The following CCDC178 variants were observed in gnomAD, a reference collection of about 807,000 sequenced individuals.
CCDC178 encodes the protein coiled-coil domain containing 178.
CCDC178 carries 126 observed loss-of-function variants against 117.4 expected under a neutral mutation model. The ratio of observed to expected loss-of-function variants is 1.07; its 90% CI spans 0.93 to 1.24. CCDC178 has a LOEUF of 1.24. CCDC178 is among the 50% of genes most tolerant of loss of function. The probability of loss-of-function intolerance (pLI) is 0.00; values close to 1 mark genes in which losing one functional copy is unlikely to be tolerated. For missense variants in CCDC178, 1,030 were observed against 986.9 expected (o/e 1.04, Z -0.59); for synonymous variants, 283 against 313.4 (o/e 0.90, Z 1.02).
intron 20 of CCDC178, among the ~76,000 whole-genome samples, chr18:33,200,560 G>C (rs2058979961): frequency 6.6e-6 from 1 of 152,080 alleles, no homozygotes; most frequent in African/African-American, 2.4e-5. Flanking sequence ...ATCTACAAAC[G>C]CTATAAACCA....
intron 20 of CCDC178, among the ~76,000 whole-genome samples, chr18:33,166,828 T>C (rs1033907984): frequency 2.0e-5 from 3 of 152,186 alleles, no homozygotes; most frequent in Non-Finnish European, 4.4e-5. Flanking sequence ...GTTTGTTATA[T>C]AGGTAAATTA....
chr18:33,368,651 CAG>C (rs764972288), intron 6 of CCDC178, among the ~76,000 whole-genome samples: 30 of 152,008 alleles, frequency 2.0e-4, no homozygotes, highest in Non-Finnish European at 4.3e-4. Flanking sequence ...TGAAAACAGA[CAG>C]AGGGTGTGTG....
At chr18:33,409,862 A>C (rs1298087631) in intron 3 of CCDC178, among the ~76,000 whole-genome samples, 2 of 152,172 alleles carry the variant, frequency 1.3e-5, no homozygotes, top group African/African-American at 4.8e-5. Flanking sequence ...AAAAGTCCTA[A>C]ACTTGCTCAC....
intron 21 of CCDC178, among the ~76,000 whole-genome samples, chr18:33,003,998 T>C (rs2055697617): frequency 1.3e-5 from 2 of 151,900 alleles, no homozygotes; most frequent in South Asian, 4.1e-4. Context: ...ATGAAAACTA[T>C]AAAACATTGA....
At chr18:33,023,590 T>C (rs1459620876) in intron 21 of CCDC178, among the ~76,000 whole-genome samples, 1 of 152,082 alleles carries the variant, frequency 6.6e-6, no homozygotes, top group African/African-American at 2.4e-5. Flanking sequence ...AGAGAAAAAT[T>C]AATAGCACTA....
intron 11 of CCDC178, among the ~76,000 whole-genome samples, chr18:33,310,753 A>C (rs2062330112): frequency 6.6e-6 from 1 of 152,148 alleles, no homozygotes; most frequent in Admixed American, 6.5e-5. Context: ...TTCTTAAGGT[A>C]TTATTTTACT....
chr18:32,976,856 A>G (rs1012994898), intron 21 of CCDC178, among the ~76,000 whole-genome samples: 1 of 152,158 alleles, frequency 6.6e-6, no homozygotes, highest in Non-Finnish European at 1.5e-5. Context: ...TTTGAAACAC[A>G]TATTGCAGTA....
rs866835907 is a variant in CCDC178 at position 33,326,509 on chromosome 18, G to A, written c.880-2876C>T. On this transcript the variant is annotated intron_variant, in intron 10 of 22. Transcript: ENST00000383096. ...CCATCATGCCTGGAACTCTGGAGGGGCTGAGTGTCCTTGGAAGCCTTGTTT... is the reference window on the plus strand; with the variant it reads ...CCATCATGCCTGGAACTCTGGAGGGACTGAGTGTCCTTGGAAGCCTTGTTT... Among the ~76,000 whole-genome samples, 7 of 152,148 alleles carry A rather than the reference G, an allele frequency of 4.6e-5. No homozygotes were observed. In the South Asian group the frequency reaches 1.5e-3, roughly 32 times the overall value.
At chr18:33,044,898 C>T (rs982705922) in intron 21 of CCDC178, among the ~76,000 whole-genome samples, 6 of 152,024 alleles carry the variant, frequency 3.9e-5, no homozygotes, top group African/African-American at 1.4e-4. Flanking sequence ...GGCCATTGTT[C>T]TGAGGGAAAT....
intron 18 of CCDC178, among the ~76,000 whole-genome samples, chr18:33,220,855 G>A (rs1401232977): frequency 6.6e-6 from 1 of 152,044 alleles, no homozygotes; most frequent in Non-Finnish European, 1.5e-5. Context: ...TTTCACTGCT[G>A]TAATAATCAC....
At chr18:33,371,074 T>C (rs1214084671) in intron 5 of CCDC178, among the ~76,000 whole-genome samples, 1 of 152,038 alleles carries the variant, frequency 6.6e-6, no homozygotes, top group East Asian at 1.9e-4. Context: ...ATAATCCTGT[T>C]GCGTTTTGTT....
intron 5 of CCDC178, 57 bp downstream of exon 5, chr18:33,389,483 G>A (rs1052002633): frequency 4.0e-6 from 3 of 754,728 alleles, no homozygotes; most frequent in Non-Finnish European, 5.9e-6. Flanking sequence ...ATAGACTAAT[G>A]AGATAATATA....
At chr18:33,194,125 A>G (rs939680556) in intron 20 of CCDC178, among the ~76,000 whole-genome samples, 2 of 152,248 alleles carry the variant, frequency 1.3e-5, no homozygotes, top group African/African-American at 4.8e-5. Context: ...GGAGACAAAC[A>G]TTCAAACCAT....
At chr18:33,290,240 A>T (rs1180181494) in intron 12 of CCDC178, among the ~76,000 whole-genome samples, 1 of 152,194 alleles carries the variant, frequency 6.6e-6, no homozygotes, top group Non-Finnish European at 1.5e-5. Flanking sequence ...AATTGCCCAT[A>T]TATTAGAACA....
intron 22 of CCDC178, among the ~76,000 whole-genome samples, chr18:32,954,250 A>C (rs2144636423): frequency 6.6e-6 from 1 of 152,242 alleles, no homozygotes; most frequent in South Asian, 2.1e-4. Context: ...TATTCATCAA[A>C]TATTTATAGC....
intron 21 of CCDC178, among the ~76,000 whole-genome samples, chr18:33,046,409 C>T (rs535333715): frequency 2.0e-5 from 3 of 152,214 alleles, no homozygotes; most frequent in South Asian, 2.1e-4. Context: ...GTAGCCCAAA[C>T]TCATTTTTGA....
intron 2 of CCDC178, among the ~76,000 whole-genome samples, chr18:33,427,000 A>G (rs997116121): frequency 6.6e-6 from 1 of 152,162 alleles, no homozygotes; most frequent in Non-Finnish European, 1.5e-5. Flanking sequence ...CTTAATGTGA[A>G]GGAGCATAAT....
intron 20 of CCDC178, among the ~76,000 whole-genome samples, chr18:33,150,070 C>T (rs2058322951): frequency 6.6e-6 from 1 of 152,002 alleles, no homozygotes; most frequent in Non-Finnish European, 1.5e-5. Context: ...GTATAGAGAA[C>T]CTAGAAATAA....
intron 22 of CCDC178, among the ~76,000 whole-genome samples, chr18:32,951,577 T>A (rs2054484500): frequency 1.3e-5 from 2 of 152,202 alleles, no homozygotes; most frequent in Admixed American, 1.3e-4. Flanking sequence ...TCACAACACA[T>A]GAAGACTATA....
Sources: allele counts gnomAD v4.1 joint callset (sites outside exome capture counted in the v4.1 genomes callset), GRCh38; gene constraint gnomAD v4.1.1; transcripts MANE v1.5; gene names NCBI Gene and HGNC (gene_info 2026-07-23, HGNC 2026-07-21).